The following CNTNAP5 variants were observed in gnomAD, a reference collection of about 807,000 sequenced individuals.
CNTNAP5 encodes contactin associated protein family member 5.
A neutral mutation model predicts 150.2 loss-of-function variants in CNTNAP5; 72 were observed. The ratio of observed to expected loss-of-function variants is 0.48; its 90% CI spans 0.40 to 0.58. The LOEUF is 0.58. Ranked by LOEUF, CNTNAP5 falls within the 20% of genes least tolerant of loss-of-function variation. The pLI, the probability that CNTNAP5 is intolerant of heterozygous loss-of-function variation, is 0.00. For synonymous variants in CNTNAP5, 672 were observed against 619.8 expected, an observed-to-expected ratio of 1.08 and a Z score of -1.25; for missense variants, 1,636 against 1,626.2, an observed-to-expected ratio of 1.01 and a Z score of -0.10.
chr2:124,174,827 A>T (rs1334411152), intron 1 of CNTNAP5, among the ~76,000 whole-genome samples: 1 of 152,210 alleles, frequency 6.6e-6, no homozygotes, highest in Non-Finnish European at 1.5e-5. Context: ...GGAAGAGTCA[A>T]TCCATGTGGC....
intron 3 of CNTNAP5, among the ~76,000 whole-genome samples, chr2:124,253,914 T>C (rs1397079307): frequency 6.6e-6 from 1 of 151,872 alleles, no homozygotes; most frequent in African/African-American, 2.4e-5. Flanking sequence ...TTCATTTGAG[T>C]CTCTTTTAAT....
intron 3 of CNTNAP5, among the ~76,000 whole-genome samples, chr2:124,272,863 T>C (rs1202366987): frequency 6.6e-6 from 1 of 152,196 alleles, no homozygotes; most frequent in Non-Finnish European, 1.5e-5. Context: ...TTAGGTTCTG[T>C]TTGGTAAAGT....
At position 124,609,849 on chromosome 2, in the gene CNTNAP5, C is replaced by A. The variant is rs759857253; in HGVS notation, c.1805C>A (p.Ala602Asp). 2 of 1,613,984 alleles carry A rather than the reference C, an allele frequency of 1.2e-6. No individual in the cohort carries two copies. Among genetic ancestry groups the A allele is most frequent in the South Asian group, 2.2e-5 (2 of 91,078 alleles). The change falls in exon 12 of 24, where the codon GCC (alanine) becomes GAC (aspartate). Residue 602 changes from alanine (A) to aspartate (D), a missense_variant. Ala to Asp is a moderately radical substitution (Grantham distance 126, BLOSUM62 -2). Coordinates refer to ENST00000682447, the MANE Select transcript of CNTNAP5 (RefSeq NM_001367498.1). Reference sequence around the variant, plus strand: ...GTGTACAGGCACCAGGGGAATACAGCCGGCTTCTTCTACATCGACTCAGAT... The same window carrying A: ...GTGTACAGGCACCAGGGGAATACAGACGGCTTCTTCTACATCGACTCAGAT... ...CEVYRHQGNT[A>D]GFFYIDSDGS...
chr2:124,074,334 A>G (rs1269291916), intron 1 of CNTNAP5, among the ~76,000 whole-genome samples: 1 of 152,146 alleles, frequency 6.6e-6, no homozygotes, highest in Admixed American at 6.6e-5. Context: ...TTAAATAACT[A>G]AAAGAATATA....
intron 1 of CNTNAP5, among the ~76,000 whole-genome samples, chr2:124,078,035 A>T (rs1682478199): frequency 6.6e-6 from 1 of 152,244 alleles, no homozygotes; most frequent in South Asian, 2.1e-4. Flanking sequence ...TAAGCAATAT[A>T]TGTTGACTCA....
At chr2:124,822,071 A>G (rs1182420468) in intron 19 of CNTNAP5, among the ~76,000 whole-genome samples, 2 of 151,804 alleles carry the variant, frequency 1.3e-5, no homozygotes, top group Non-Finnish European at 2.9e-5. Context: ...CACATTACCC[A>G]GCCATTTAGT....
chr2:124,486,732 T>G (rs1693889210), intron 7 of CNTNAP5, among the ~76,000 whole-genome samples: 1 of 152,166 alleles, frequency 6.6e-6, no homozygotes, highest in African/African-American at 2.4e-5. Flanking sequence ...AGGCCTAGGC[T>G]CTTGTAATTA....
chr2:124,832,605 A>C (rs1346762259), intron 19 of CNTNAP5, among the ~76,000 whole-genome samples: 2 of 152,138 alleles, frequency 1.3e-5, no homozygotes, highest in Non-Finnish European at 1.5e-5. Flanking sequence ...TTTTATTTTT[A>C]GAAACTTCTT....
chr2:124,904,002 C>CA (rs1262638883), intron 22 of CNTNAP5, among the ~76,000 whole-genome samples: 3 of 128,940 alleles, frequency 2.3e-5, no homozygotes, highest in African/African-American at 9.0e-5. Context: ...TGCAGTGAGC[C>CA]AAGATCATGC....
chr2:124,245,474 T>C (rs975061600), intron 3 of CNTNAP5, among the ~76,000 whole-genome samples: 18 of 152,216 alleles, frequency 1.2e-4, no homozygotes, highest in African/African-American at 4.3e-4. Context: ...TTTGCAAAAC[T>C]GTCTAAATTG....
At chr2:124,755,636 G>A (rs780328726) in intron 14 of CNTNAP5, among the ~76,000 whole-genome samples, 27 of 152,212 alleles carry the variant, frequency 1.8e-4, no homozygotes, top group Middle Eastern at 6.8e-3. Flanking sequence ...CCATGGCAAT[G>A]CTCTCTGTGA....
chr2:124,243,787 C>G (rs911435326), intron 3 of CNTNAP5, among the ~76,000 whole-genome samples: 1 of 151,936 alleles, frequency 6.6e-6, no homozygotes, highest in African/African-American at 2.4e-5. Context: ...AACAAACCTG[C>G]CCATGTACCC....
intron 3 of CNTNAP5, among the ~76,000 whole-genome samples, chr2:124,376,391 T>C (rs572485816): frequency 2.1e-4 from 32 of 152,196 alleles, no homozygotes; most frequent in South Asian, 1.0e-3. Flanking sequence ...CTTGCAGTGG[T>C]TATTTACAAA....
intron 12 of CNTNAP5, among the ~76,000 whole-genome samples, chr2:124,613,577 G>A (rs1282762626): frequency 6.6e-6 from 1 of 152,170 alleles, no homozygotes; most frequent in Non-Finnish European, 1.5e-5. Flanking sequence ...GATGTCATGG[G>A]ACTGAAGATG....
intron 13 of CNTNAP5, among the ~76,000 whole-genome samples, chr2:124,710,642 C>A (rs1221272160): frequency 6.6e-6 from 1 of 152,098 alleles, no homozygotes; most frequent in Admixed American, 6.6e-5. Flanking sequence ...GGACATTTTG[C>A]AGCCAAATTT....
intron 12 of CNTNAP5, among the ~76,000 whole-genome samples, chr2:124,620,763 A>G (rs1677596473): frequency 6.6e-6 from 1 of 151,872 alleles, no homozygotes; most frequent in Non-Finnish European, 1.5e-5. Flanking sequence ...ACACACACAC[A>G]CACACACACA....
intron 3 of CNTNAP5, among the ~76,000 whole-genome samples, chr2:124,320,807 G>A (rs1689080585): frequency 6.6e-6 from 1 of 152,186 alleles, no homozygotes; most frequent in Admixed American, 6.5e-5. Flanking sequence ...GTGTGTGTGT[G>A]TGTGACCCCT....
rs760831784 is a variant in CNTNAP5 at position 124,419,988 on chromosome 2, C to CTTTCTTTCT, written c.529+2401_529+2402insCTTTCTTTT. Among the ~76,000 whole-genome samples the CTTTCTTTCT allele has an allele frequency of 1.6e-4, 13 of 78,880 alleles. 3 individuals are homozygous for CTTTCTTTCT. Among genetic ancestry groups the CTTTCTTTCT allele is most frequent in the African/African-American group, 3.0e-4 (6 of 20,216 alleles). The allele number at this position is 78,880 out of a possible 152,430, so 51.7% of individuals were successfully genotyped here. On this transcript the variant is annotated intron_variant, in intron 4 of 23. Transcript: ENST00000682447. ...TCTCTCTCTCTTTCTTTCTTTCTTT[C>CTTTCTTTCT]TTTTTTTTTTTTTTTTTTTTTGAGA...
chr2:124,039,077 G>A (rs867543135), intron 1 of CNTNAP5, among the ~76,000 whole-genome samples: 5 of 152,326 alleles, frequency 3.3e-5, no homozygotes, highest in Middle Eastern at 6.8e-3. Context: ...ATTCATATGA[G>A]TGTCAGGGCA....
Sources: gnomAD v4.1 joint callset for allele counts (sites outside exome capture counted in the v4.1 genomes callset) on GRCh38, gnomAD v4.1.1 for gene constraint, MANE v1.5 for transcripts, NCBI Gene and HGNC (gene_info 2026-07-23, HGNC 2026-07-21) for gene names.